Variants in ATG12 observed in about 807,000 individuals in gnomAD.
The protein encoded by ATG12 is ubiquitin-like protein ATG12.
A neutral mutation model predicts 17.6 loss-of-function variants in ATG12; 19 were observed. The observed-to-expected ratio is 1.08, with a 90% CI of 0.75 to 1.58. ATG12 has a LOEUF of 1.58. ATG12 is among the 40% of genes most tolerant of loss of function. ATG12 has a pLI of 0.00. For missense variants in ATG12, 214 were observed against 162.0 expected, an observed-to-expected ratio of 1.32 and a Z score of -1.74; for synonymous variants, 75 against 62.4, an observed-to-expected ratio of 1.20 and a Z score of -0.95.
chr5:115,832,752 T>C (rs1760940404), intron 2 of ATG12, 88 bp from the exon 3 acceptor site: 2 of 1,276,334 alleles, frequency 1.6e-6, no homozygotes, highest in Admixed American at 2.8e-5. Context: ...AGCTATTTTG[T>C]ATTGTTTTCA....
At chr5:115,840,758 G>A (rs752527956) in intron 1 of ATG12, 1 of 1,177,906 alleles carries the variant, frequency 8.5e-7, no homozygotes, top group Non-Finnish European at 1.1e-6. Flanking sequence ...TTTACAAAGG[G>A]AAACATTCTC....
chr5:115,841,532 A>C lies in ATG12; in HGVS notation c.21T>G (p.Ser7=). MAEEPQ[S]VLQLPTSIAA... ...CAATTGAAGTAGGAAGCTGCAACACAGACTGCGGCTCCTCCGCCATCTTGC... is the reference window on the plus strand; with the variant it reads ...CAATTGAAGTAGGAAGCTGCAACACCGACTGCGGCTCCTCCGCCATCTTGC... Residue 7 remains serine, a synonymous_variant, in exon 1 of 4, where the codon TCT becomes TCG. Coordinates refer to ENST00000509910, the MANE Select transcript of ATG12 (RefSeq NM_004707.4). The C allele has an allele frequency of 6.2e-7, 1 of 1,613,340 alleles. No individual in the cohort carries two copies. The highest frequency in any genetic ancestry group is 8.5e-7 in the Non-Finnish European group (1 of 1,179,714).
chr5:115,841,522 G>C lies in ATG12; in HGVS notation c.31C>G (p.Leu11Val), dbSNP rs561016735. The C allele has an allele frequency of 5.6e-6, 9 of 1,612,698 alleles. No homozygotes were observed. Among genetic ancestry groups the C allele is most frequent in the South Asian group, 1.1e-5 (1 of 91,056 alleles). MAEEPQSVLQ[L>V]PTSIAAGGEG... ...CCTCCAGCAGCAATTGAAGTAGGAA[G>C]CTGCAACACAGACTGCGGCTCCTCC... The change falls in exon 1 of 4, where the codon CTT becomes GTT. Residue 11 changes from leucine (L) to valine (V), a missense_variant. Leu to Val is a conservative substitution (Grantham distance 32, BLOSUM62 1). Coordinates refer to ENST00000509910, the MANE Select transcript of ATG12 (RefSeq NM_004707.4).
chr5:115,837,819 T>C lies in ATG12; in HGVS notation c.164-55A>G, dbSNP rs998957252. 5 of 1,445,382 alleles carry C rather than the reference T, an allele frequency of 3.5e-6. No individual in the cohort carries two copies. The African/African-American group carries it at 5.8e-5, about 17-fold the overall frequency. 89.5% of individuals were successfully genotyped at this position (1,445,382 alleles called of 1,614,324 possible). A position where few individuals can be genotyped will look rare whatever the true frequency, so the allele number is the denominator to read the frequency against. On this transcript the variant is annotated intron_variant, in intron 1 of 3. Transcript: ENST00000509910. Reference sequence around the variant, plus strand: ...ATTACACTGAAACATCTAAAGAGAATGGAATATAAAAGACTTAGAAATCAG... The same window carrying C: ...ATTACACTGAAACATCTAAAGAGAACGGAATATAAAAGACTTAGAAATCAG...
chr5:115,841,500 C>T lies in ATG12; in HGVS notation c.53G>A (p.Gly18Glu). ...VLQLPTSIAA[G>E]GEGLTDVSPE... ...GGAGACATCCGTAAGTCCTTCCCCT[C>T]CAGCAGCAATTGAAGTAGGAAGCTG... is the stretch of plus-strand genomic sequence containing the variant. Residue 18 changes from glycine to glutamate, a missense_variant, in exon 1 of 4, where the codon GGA becomes GAA. Physicochemically the swap from Gly to Glu is moderately conservative, Grantham distance 98. Transcript: ENST00000509910. The T allele has an allele frequency of 6.2e-7, 1 of 1,612,392 alleles. No individual in the cohort carries two copies.
chr5:115,834,538 A>G (rs1761011449), intron 2 of ATG12, among the ~76,000 whole-genome samples: 1 of 152,190 alleles, frequency 6.6e-6, no homozygotes, highest in Admixed American at 6.5e-5. Flanking sequence ...TTGCCTTTAA[A>G]TCAGCTTTTT....
Position 115,831,785 on chromosome 5 carries a change from A to C in ATG12, c.*19T>G. The C allele has an allele frequency of 6.2e-7, 1 of 1,610,194 alleles. No homozygotes were observed. The highest frequency in any genetic ancestry group is 1.9e-4 in the Middle Eastern group (1 of 5,230). On this transcript the variant is annotated 3_prime_UTR_variant, in exon 4 of 4. Coordinates refer to ENST00000509910, the MANE Select transcript of ATG12 (RefSeq NM_004707.4). ...TGAAAATCCATTTCATGTAGTAGCA[A>C]GTTGATTTTCTTTGTGGTTCATCCC...
intron 3 of ATG12, 149 bp from the exon 4 acceptor site, chr5:115,832,012 T>G: frequency 1.4e-6 from 1 of 719,552 alleles, no homozygotes; most frequent in Admixed American, 2.8e-5. Context: ...GGATGCCTGT[T>G]TCTATCAGAC....
chr5:115,841,312 G>T, intron 1 of ATG12, 78 bp downstream of exon 1: 1 of 1,582,076 alleles, frequency 6.3e-7, no homozygotes, highest in East Asian at 2.2e-5. Flanking sequence ...TCTAAATTTT[G>T]CTTCTTTACT....
chr5:115,836,751 T>G (rs1242389311), intron 2 of ATG12, among the ~76,000 whole-genome samples: 1 of 152,228 alleles, frequency 6.6e-6, no homozygotes, highest in Admixed American at 6.5e-5. Flanking sequence ...TGTGATCTAT[T>G]TGCAGATAAA....
In ATG12 at chr5:115,832,625, G is replaced by C. The variant is rs1760931935; in HGVS notation, c.340C>G (p.Gln114Glu). Residue 114 changes from glutamine (Q) to glutamate (E), a missense_variant, in exon 3 of 4, where the codon CAA becomes GAA. By Grantham distance (29) the Gln-to-Glu change is conservative. Coordinates refer to ENST00000509910, the MANE Select transcript of ATG12 (RefSeq NM_004707.4). ...VNQSFAPSPD[Q>E]EVGTLYECFG... is the part of the protein sequence containing the mutation. ...ACCTCATAGAGAGTTCCAACTTCTT[G>C]GTCTGGGGAAGGAGCAAAGGACTGA... is the stretch of plus-strand genomic sequence containing the variant. The C allele has an allele frequency of 2.1e-6, 3 of 1,444,998 alleles. No homozygotes were observed. The highest frequency in any genetic ancestry group is 3.4e-5 in the African/African-American group (2 of 58,068). 89.5% of individuals were successfully genotyped at this position (1,444,998 alleles called of 1,614,324 possible). A position where few individuals can be genotyped will look rare whatever the true frequency, so the allele number is the denominator to read the frequency against.
At chr5:115,835,757 C>T (rs2112724358) in intron 2 of ATG12, among the ~76,000 whole-genome samples, 1 of 152,274 alleles carries the variant, frequency 6.6e-6, no homozygotes, top group East Asian at 1.9e-4. Context: ...TTCTACTTTT[C>T]TCAGTGCCGT....
At chr5:115,831,921 TAAG>T (rs1361188747) in intron 3 of ATG12, 58 bp from the exon 4 acceptor site, 18 of 1,495,672 alleles carry the variant, frequency 1.2e-5, no homozygotes, top group Middle Eastern at 2.0e-4. Flanking sequence ...TAGATGAAAC[TAAG>T]AAGATAAATG....
rs1312864374 is a variant in ATG12, at chr5:115,829,471, A to C, written c.*2333T>G. 1 of 152,238 alleles carries C rather than the reference A, an allele frequency of 6.6e-6. No homozygotes were observed. The highest frequency in any genetic ancestry group is 2.4e-5 in the African/African-American group (1 of 41,470). The allele number at this position is 152,238 out of a possible 1,614,324, so 9.4% of individuals were successfully genotyped here. A position where few individuals can be genotyped will look rare whatever the true frequency, so the allele number is the denominator to read the frequency against. On this transcript the variant is annotated 3_prime_UTR_variant, in exon 4 of 4. Coordinates refer to ENST00000509910, the MANE Select transcript of ATG12 (RefSeq NM_004707.4). ...TTTGCCTTATTCCTTAAATATGGTG[A>C]ATTCATTATGAAGTCTTTGGCATAC...
At chr5:115,836,822 G>A (rs758919446) in intron 2 of ATG12, among the ~76,000 whole-genome samples, 5 of 152,080 alleles carry the variant, frequency 3.3e-5, no homozygotes, top group Non-Finnish European at 4.4e-5. Context: ...AATACATGTA[G>A]ACATTTAAAT....
At chr5:115,840,984 C>T in intron 1 of ATG12, 1 of 901,142 alleles carries the variant, frequency 1.1e-6, no homozygotes, top group Non-Finnish European at 1.6e-6. Context: ...GGCATGAATT[C>T]TAATCCAGGC....
At chr5:115,840,796 C>A in intron 1 of ATG12, 1 of 1,203,252 alleles carries the variant, frequency 8.3e-7, no homozygotes. Flanking sequence ...GGATAGCTGA[C>A]TCAAGCAATG....
chr5:115,837,403 G>A (rs1184558609), intron 2 of ATG12, among the ~76,000 whole-genome samples: 1 of 151,682 alleles, frequency 6.6e-6, no homozygotes, highest in Middle Eastern at 3.2e-3. Flanking sequence ...AGAATCGCTT[G>A]AACCAGGAGG....
At chr5:115,834,094 G>A (rs956767103) in intron 2 of ATG12, 5 of 152,224 alleles carry the variant, frequency 3.3e-5, no homozygotes, top group African/African-American at 7.2e-5. Flanking sequence ...AAGGGTCAGT[G>A]ATGGCTTTGT....
Sources: gnomAD v4.1 joint callset for allele counts (sites outside exome capture counted in the v4.1 genomes callset) on GRCh38, gnomAD v4.1.1 for gene constraint, MANE v1.5 for transcripts, NCBI Gene and HGNC (gene_info 2026-07-23, HGNC 2026-07-21) for gene names.